Variants in MICAL3 observed in about 807,000 individuals in gnomAD.
The protein encoded by MICAL3 is microtubule associated monooxygenase, calponin and LIM domain containing 3.
In MICAL3, 62 loss-of-function variants were observed where a neutral mutation model predicts 207.4. The observed-to-expected ratio is 0.30, with a 90% CI of 0.24 to 0.37. The LOEUF (loss-of-function observed/expected upper bound fraction) is 0.37, where lower values mean the gene tolerates loss of function less well. Among genes scored for constraint, MICAL3 ranks in the 10% least tolerant of loss-of-function variants. MICAL3 has a pLI of 1.00. For missense variants in MICAL3, 2,368 were observed against 2,635.6 expected, an observed-to-expected ratio of 0.90 and a Z score of 2.22; for synonymous variants, 1,077 against 1,069.3, an observed-to-expected ratio of 1.01 and a Z score of -0.14.
intron 1 of MICAL3, among the ~76,000 whole-genome samples, chr22:17,909,506 C>T (rs905068123): frequency 6.6e-6 from 1 of 152,220 alleles, no homozygotes; most frequent in East Asian, 1.9e-4. Context: ...GCCTCAGCGA[C>T]AGAGTGAGAC....
Position 17,808,851 on chromosome 22 carries a change from G to A in MICAL3, c.5643C>T (p.Gly1881=), listed in dbSNP as rs1476851742. The A allele has an allele frequency of 8.4e-6, 13 of 1,552,196 alleles. No homozygotes were observed. The highest frequency in any genetic ancestry group is 1.4e-5 in the African/African-American group (1 of 73,064). Residue 1881 remains glycine (G), a synonymous_variant, in exon 29 of 32, where the codon GGC becomes GGT. Coordinates refer to ENST00000441493, the MANE Select transcript of MICAL3 (RefSeq NM_015241.3). ...RGVAVEKALR[G]EAGMGKKDDP... ...GAGGGAGCCCGGCAGTACCTGCTTCGCCCCGGAGCGCCTTCTCCACAGCCA... is the reference window on the plus strand; with the variant it reads ...GAGGGAGCCCGGCAGTACCTGCTTCACCCCGGAGCGCCTTCTCCACAGCCA...
Position 17,839,567 on chromosome 22 carries a change from C to CT in MICAL3, c.2801+2254dup, listed in dbSNP as rs60451083. On this transcript the variant is annotated intron_variant, in intron 20 of 31. Coordinates refer to ENST00000441493, the MANE Select transcript of MICAL3 (RefSeq NM_015241.3). ...CCACCACACCTAGCTGGGCTCTTCC[C>CT]TTTTTTTTTTTTTTTTAAGATGCAG... The CT allele has an allele frequency of 9.1e-3, 1,268 of 139,632 alleles. 7 individuals carry two copies. Among genetic ancestry groups the CT allele is most frequent in the Admixed American group, 0.015 (206 of 13,912 alleles). The allele number at this position is 139,632 out of a possible 1,614,324, so 8.6% of individuals were successfully genotyped here. A position where few individuals can be genotyped will look rare whatever the true frequency, so the allele number is the denominator to read the frequency against.
In MICAL3 at chr22:17,967,486, A is replaced by ACACACACCCC. The variant is rs1556491357; in HGVS notation, c.-75+56794_-75+56795insGGGGTGTGTG. Among the ~76,000 whole-genome samples the ACACACACCCC allele has an allele frequency of 6.2e-5, 9 of 145,708 alleles. No homozygotes were observed. In the South Asian group the frequency reaches 8.6e-4, roughly 14 times the overall value. On this transcript the variant is annotated intron_variant, in intron 1 of 31. Coordinates refer to ENST00000441493, the MANE Select transcript of MICAL3 (RefSeq NM_015241.3). ...CAAACACACACACACACACACACAC[A>ACACACACCCC]CACACACCCACACACACCCACTCAT...
intron 1 of MICAL3, among the ~76,000 whole-genome samples, chr22:17,941,566 G>A (rs1351415947): frequency 6.6e-6 from 1 of 152,232 alleles, no homozygotes; most frequent in African/African-American, 2.4e-5. Flanking sequence ...CTACACCAGA[G>A]CAACAGCTGT....
intron 1 of MICAL3, among the ~76,000 whole-genome samples, chr22:17,923,947 T>A (rs2146302747): frequency 6.6e-6 from 1 of 152,270 alleles, no homozygotes; most frequent in African/African-American, 2.4e-5. Flanking sequence ...CTCAAGGAAC[T>A]TATGATCATA....
chr22:17,811,660 T>C (rs1247091318), intron 27 of MICAL3, among the ~76,000 whole-genome samples: 1 of 152,230 alleles, frequency 6.6e-6, no homozygotes, highest in Non-Finnish European at 1.5e-5. Flanking sequence ...GAACAAACCA[T>C]GGGCAACAAG....
intron 19 of MICAL3, among the ~76,000 whole-genome samples, chr22:17,850,720 T>G (rs962696286): frequency 6.6e-5 from 10 of 151,980 alleles, no homozygotes; most frequent in Non-Finnish European, 1.3e-4. Flanking sequence ...CCGAGTTAGT[T>G]TTTTACTGTC....
intron 17 of MICAL3, among the ~76,000 whole-genome samples, chr22:17,867,331 C>T (rs1210277650): frequency 1.3e-5 from 2 of 152,250 alleles, no homozygotes; most frequent in African/African-American, 4.8e-5. Context: ...GTCTTACCGC[C>T]TGTTTCTCCA....
At chr22:17,914,267 T>TG (rs67783010) in intron 1 of MICAL3, among the ~76,000 whole-genome samples, 46,040 of 152,034 alleles carry the variant, frequency 0.3, 7,838 homozygotes, top group East Asian at 0.56. Context: ...AGAATGGCAT[T>TG]GGGTGGAGGG....
chr22:17,985,027 G>A (rs1936088863), intron 1 of MICAL3, among the ~76,000 whole-genome samples: 2 of 152,184 alleles, frequency 1.3e-5, no homozygotes, highest in African/African-American at 2.4e-5. Flanking sequence ...TCCGGAGCAC[G>A]GAGGGAAGGA....
At chr22:17,857,152 C>A (rs796927302) in intron 19 of MICAL3, among the ~76,000 whole-genome samples, 5 of 152,192 alleles carry the variant, frequency 3.3e-5, no homozygotes, top group Non-Finnish European at 5.9e-5. Context: ...GGAGTCCCCA[C>A]CCCCTGCGCT....
chr22:17,968,061 A>G (rs1935233112), intron 1 of MICAL3, among the ~76,000 whole-genome samples: 1 of 146,648 alleles, frequency 6.8e-6, no homozygotes, highest in African/African-American at 2.5e-5. Flanking sequence ...AAAGAGTAAA[A>G]TTTAAAAATT....
chr22:17,869,489 A>G (rs1927499917), intron 17 of MICAL3, among the ~76,000 whole-genome samples: 1 of 152,120 alleles, frequency 6.6e-6, no homozygotes, highest in Admixed American at 6.6e-5. Context: ...GCCTGACACT[A>G]ATTTTGAGTC....
chr22:17,886,184 C>A (rs1929854406), intron 15 of MICAL3, 133 bp from the exon 16 acceptor site: 2 of 889,146 alleles, frequency 2.2e-6, no homozygotes, highest in Non-Finnish European at 3.5e-6. Context: ...TTCCCGTGTC[C>A]ACACAGAGAC....
intron 1 of MICAL3, among the ~76,000 whole-genome samples, chr22:17,923,090 G>T (rs948299197): frequency 1.3e-5 from 2 of 152,076 alleles, no homozygotes; most frequent in South Asian, 4.1e-4. Flanking sequence ...ACTTCCATGG[G>T]AAGGAGGATC....
At chr22:17,871,604 G>T (rs535697704) in intron 17 of MICAL3, among the ~76,000 whole-genome samples, 21 of 152,374 alleles carry the variant, frequency 1.4e-4, no homozygotes, top group South Asian at 4.1e-4. Context: ...TCAGGGAAAT[G>T]ACTTAGGTAA....
chr22:17,805,329 C>T (rs1332442851), intron 29 of MICAL3, among the ~76,000 whole-genome samples: 3 of 151,890 alleles, frequency 2.0e-5, no homozygotes, highest in East Asian at 1.9e-4. Flanking sequence ...GAGACGGCAT[C>T]GGCCAAGGAG....
chr22:17,987,353 C>T (rs1298078762), intron 1 of MICAL3, among the ~76,000 whole-genome samples: 2 of 152,220 alleles, frequency 1.3e-5, no homozygotes, highest in Non-Finnish European at 2.9e-5. Flanking sequence ...CTGTTCTGTT[C>T]AGGAGATGGC....
chr22:17,810,866 G>A, intron 27 of MICAL3, 53 bp from the exon 28 acceptor site: 2 of 1,480,642 alleles, frequency 1.4e-6, no homozygotes, highest in African/African-American at 2.8e-5. Flanking sequence ...GCCTGGGACA[G>A]GGGTGGGCAG....
Sources: gnomAD v4.1 joint callset for allele counts (sites outside exome capture counted in the v4.1 genomes callset) on GRCh38, gnomAD v4.1.1 for gene constraint, MANE v1.5 for transcripts, NCBI Gene and HGNC (gene_info 2026-07-23, HGNC 2026-07-21) for gene names.